Variants in WARS2 observed in about 807,000 individuals in gnomAD.
WARS2 encodes tryptophan--tRNA ligase, mitochondrial.
Under a neutral mutation model 36.5 loss-of-function variants are expected in WARS2, and 28 were observed. The observed-to-expected ratio is 0.77, with a 90% CI of 0.57 to 1.05. WARS2 has a LOEUF of 1.05. Among genes scored for constraint, WARS2 ranks in the 50% least tolerant of loss-of-function variants. The pLI, the probability that WARS2 is intolerant of heterozygous loss-of-function variation, is 0.00. For missense variants in WARS2, 435 were observed against 456.8 expected (o/e 0.95, Z 0.44); for synonymous variants, 174 against 178.4 (o/e 0.98, Z 0.20).
intron 2 of WARS2, among the ~76,000 whole-genome samples, chr1:119,062,110 T>G (rs533681056): frequency 6.6e-6 from 1 of 152,304 alleles, no homozygotes; most frequent in African/African-American, 2.4e-5. Flanking sequence ...CACCCACTGA[T>G]GTAGATCTCA....
chr1:119,064,496 T>C (rs1318369738), intron 2 of WARS2: 1 of 152,200 alleles, frequency 6.6e-6, no homozygotes, highest in Non-Finnish European at 1.5e-5. Flanking sequence ...ATGATATGGT[T>C]TGGCTATGTC....
intron 1 of WARS2, among the ~76,000 whole-genome samples, chr1:119,107,304 T>C (rs937611823): frequency 2.0e-5 from 3 of 152,176 alleles, no homozygotes; most frequent in East Asian, 3.8e-4. Context: ...AAGTTTATAA[T>C]TGTAATGAAG....
chr1:119,085,545 C>G (rs1265636501), intron 1 of WARS2: 1 of 1,612,138 alleles, frequency 6.2e-7, no homozygotes, highest in Non-Finnish European at 8.5e-7. Flanking sequence ...GGTACGAGCC[C>G]CACAGCCCTT....
At chr1:119,096,803 G>A (rs1303964217) in intron 1 of WARS2, among the ~76,000 whole-genome samples, 1 of 151,866 alleles carries the variant, frequency 6.6e-6, no homozygotes, top group Non-Finnish European at 1.5e-5. Context: ...AAATCAAATA[G>A]CGCTCTCATT....
At chr1:119,123,472 G>A (rs1250859020) in intron 1 of WARS2, among the ~76,000 whole-genome samples, 1 of 152,172 alleles carries the variant, frequency 6.6e-6, no homozygotes, top group African/African-American at 2.4e-5. Context: ...CCTGCAAGTA[G>A]AGACTATGTT....
chr1:119,063,588 G>A (rs1650573724), intron 2 of WARS2: 1 of 152,282 alleles, frequency 6.6e-6, no homozygotes, highest in South Asian at 2.1e-4. Context: ...GCCAGGCTCA[G>A]GGTACTGGTG....
At position 119,033,264 on chromosome 1, in the gene WARS2, G is replaced by A. The variant is rs764626504; in HGVS notation, c.730C>T (p.Pro244Ser). The change falls in exon 6 of 6, where the codon CCA becomes TCA. Residue 244 changes from proline (P) to serine (S), a missense_variant. Physicochemically the swap from Pro to Ser is moderately conservative, Grantham distance 74 (BLOSUM62 -1). Coordinates refer to ENST00000235521, the MANE Select transcript of WARS2 (RefSeq NM_015836.4). The stretch of plus-strand genomic sequence containing the variant: ...CGGAATTTCTGCACTATCTCCTCTG[G>A]GCTGTCTGTTATTCGGACGGTGGCC... ...KLATVRITDS[P>S]EEIVQKFRKA... The A allele has an allele frequency of 2.5e-6, 4 of 1,614,212 alleles. No homozygotes were observed. In the South Asian group the frequency reaches 4.4e-5, roughly 18 times the overall value.
At chr1:119,079,545 G>C (rs1652032501) in intron 1 of WARS2, among the ~76,000 whole-genome samples, 1 of 152,094 alleles carries the variant, frequency 6.6e-6, no homozygotes, top group Non-Finnish European at 1.5e-5. Flanking sequence ...ATAATATTGA[G>C]TCCTCCAATC....
intron 1 of WARS2, among the ~76,000 whole-genome samples, chr1:119,138,999 T>C (rs1656730522): frequency 6.6e-6 from 1 of 152,148 alleles, no homozygotes; most frequent in African/African-American, 2.4e-5. Context: ...GTCTTTTTTT[T>C]CTCTCTCTCT....
At chr1:119,035,124 G>T (rs772541069) in intron 4 of WARS2, among the ~76,000 whole-genome samples, 1 of 152,186 alleles carries the variant, frequency 6.6e-6, no homozygotes, top group Non-Finnish European at 1.5e-5. Context: ...TGTAAAGTTT[G>T]CAGTGTCAGA....
intron 1 of WARS2, among the ~76,000 whole-genome samples, chr1:119,102,677 A>G (rs1245356950): frequency 6.6e-6 from 1 of 152,142 alleles, no homozygotes; most frequent in Admixed American, 6.5e-5. Flanking sequence ...TTCCTTTAAG[A>G]ACTTTATACC....
At chr1:119,106,224 C>CCT (rs35594746) in intron 1 of WARS2, among the ~76,000 whole-genome samples, 66,578 of 151,754 alleles carry the variant, frequency 0.44, 15,645 homozygotes, top group East Asian at 0.84. Context: ...TCCCATATAT[C>CCT]CTGTCCCCAC....
rs149657255 is a variant in WARS2, at chr1:119,033,240, G to A, written c.754C>T (p.Arg252Cys). 263 of 1,614,240 alleles carry A rather than the reference G, an allele frequency of 1.6e-4. No individual in the cohort carries two copies. In the African/African-American group the frequency reaches 2.6e-3, roughly 16 times the overall value. Residue 252 changes from arginine (R) to cysteine (C), a missense_variant, in exon 6 of 6, where the codon CGC becomes TGC. Arg to Cys is a radical substitution (Grantham distance 180). Coordinates refer to ENST00000235521, the MANE Select transcript of WARS2 (RefSeq NM_015836.4). ...GAGGTGAAGTCTGTCACAGCCTTGC[G>A]GAATTTCTGCACTATCTCCTCTGGG... The part of the protein sequence containing the change: ...DSPEEIVQKF[R>C]KAVTDFTSEV...
Position 119,135,799 on chromosome 1 carries a change from TGTTG to T in WARS2, c.90+4752_90+4755del, listed in dbSNP as rs376847011. ...AGATGGGTTTTGGGGTTTTTTTGTT[TGTTG>T]GTTTTTCAGACAGGATCTTAACTGT... On this transcript the variant is annotated intron_variant, in intron 1 of 5. Coordinates refer to ENST00000235521, the MANE Select transcript of WARS2 (RefSeq NM_015836.4). Among the ~76,000 whole-genome samples the T allele has an allele frequency of 9.0e-3, 1,370 of 152,120 alleles. 19 individuals are homozygous for T. Among genetic ancestry groups the T allele is most frequent in the African/African-American group, 0.032 (1,311 of 41,480 alleles).
At chr1:119,066,207 G>C (rs1027416360) in intron 2 of WARS2, among the ~76,000 whole-genome samples, 11 of 152,064 alleles carry the variant, frequency 7.2e-5, no homozygotes, top group African/African-American at 2.2e-4. Flanking sequence ...GCTGGGTGCG[G>C]TGGCTCACGC....
intron 1 of WARS2, among the ~76,000 whole-genome samples, chr1:119,108,371 A>G (rs1654389356): frequency 6.6e-6 from 1 of 152,036 alleles, no homozygotes; most frequent in African/African-American, 2.4e-5. Context: ...TAACAGATTT[A>G]GACCCATTCA....
intron 1 of WARS2, among the ~76,000 whole-genome samples, chr1:119,083,731 G>A (rs1000956524): frequency 6.6e-6 from 1 of 152,112 alleles, no homozygotes; most frequent in African/African-American, 2.4e-5. Flanking sequence ...TAAAGAATAA[G>A]GAGGCAAGTC....
At position 119,042,301 on chromosome 1, in the gene WARS2, A is replaced by G; in HGVS notation, c.478T>C (p.Tyr160His). 6.2e-7 allele frequency: 1 copy of G among 1,613,876 alleles called. No individual in the cohort carries two copies. Among genetic ancestry groups the G allele is most frequent in the Admixed American group, 1.7e-5 (1 of 60,004 alleles). ...ATGTCGGCTGCCTGGAGTACTGGGT[A>G]TGTGAGCAGGCCCACCGTGCCATCG... ...KHDGTVGLLT[Y>H]PVLQAADILL... The change falls in exon 4 of 6, where the codon TAC (tyrosine) becomes CAC (histidine). Residue 160 changes from tyrosine to histidine, a missense_variant. By Grantham distance (83) the Tyr-to-His change is moderately conservative. Coordinates refer to ENST00000235521, the MANE Select transcript of WARS2 (RefSeq NM_015836.4).
rs758730173 is a variant in WARS2 at position 119,045,583 on chromosome 1, T to C, written c.428A>G (p.Lys143Arg). 5 of 1,589,838 alleles carry C rather than the reference T, an allele frequency of 3.1e-6. No individual in the cohort carries two copies. The African/African-American group carries it at 6.7e-5, about 21-fold the overall frequency. ...LPRLQHLHQW[K>R]AKTTKQKHDG... ...ATTAATCAGATTACTGGCATTTACC[T>C]TCCACTGATGTAAATGTTGTAATCG... The change falls in exon 3 of 6, where the codon AAG becomes AGG. Residue 143 changes from lysine to arginine, a missense_variant and splice_region_variant. Physicochemically the swap from Lys to Arg is conservative, Grantham distance 26. Coordinates refer to ENST00000235521, the MANE Select transcript of WARS2 (RefSeq NM_015836.4).
Sources: gnomAD v4.1 joint callset for allele counts (sites outside exome capture counted in the v4.1 genomes callset) on GRCh38, gnomAD v4.1.1 for gene constraint, MANE v1.5 for transcripts, NCBI Gene and HGNC (gene_info 2026-07-23, HGNC 2026-07-21) for gene names.